Variants in NCBP3 observed in about 807,000 individuals in gnomAD.
NCBP3 encodes nuclear cap binding subunit 3, also known as nuclear cap-binding protein subunit 3.
NCBP3 carries 20 observed loss-of-function variants against 75.7 expected under a neutral mutation model. The observed-to-expected ratio is 0.26, with a 90% confidence interval of 0.19 to 0.38. The LOEUF (loss-of-function observed/expected upper bound fraction) is 0.38. NCBP3 is among the 10% of genes least tolerant of loss of function. The probability of loss-of-function intolerance (pLI) is 1.00; values close to 1 mark genes in which losing one functional copy is unlikely to be tolerated. For synonymous variants in NCBP3, 293 were observed against 290.5 expected (o/e 1.01, Z -0.09); for missense variants, 678 against 796.9 (o/e 0.85, Z 1.80).
chr17:3,838,602 C>A (rs1039767677), intron 3 of NCBP3, among the ~76,000 whole-genome samples: 4 of 152,224 alleles, frequency 2.6e-5, no homozygotes, highest in Non-Finnish European at 5.9e-5. Flanking sequence ...GACGCAATAT[C>A]AGTCGATAGC....
In NCBP3 at chr17:3,811,132, G is replaced by A. The variant is rs1427911338; in HGVS notation, c.*1912C>T. On this transcript the variant is annotated 3_prime_UTR_variant, in exon 13 of 13. Transcript: ENST00000389005. ...GCCCACTGCCGTCACAGCTTGGGAA[G>A]AGTAAACCGCCACTGAGATGCACCA... 5 of 152,266 alleles carry A rather than the reference G, an allele frequency of 3.3e-5. No homozygotes were observed. Among genetic ancestry groups the A allele is most frequent in the African/African-American group, 9.7e-5 (4 of 41,448 alleles). The allele number at this position is 152,266 out of a possible 1,614,324, so 9.4% of individuals were successfully genotyped here.
chr17:3,819,001 T>G (rs2053608290), intron 9 of NCBP3, among the ~76,000 whole-genome samples: 1 of 152,220 alleles, frequency 6.6e-6, no homozygotes, highest in South Asian at 2.1e-4. Flanking sequence ...TTTCATCTCA[T>G]GCTGTAAACA....
At chr17:3,828,256 C>T (rs1253348050) in intron 4 of NCBP3, among the ~76,000 whole-genome samples, 3 of 152,210 alleles carry the variant, frequency 2.0e-5, no homozygotes, top group Non-Finnish European at 2.9e-5. Context: ...TACTGGAAAA[C>T]AGCCAGACTC....
chr17:3,833,772 G>A (rs796934399), intron 3 of NCBP3, among the ~76,000 whole-genome samples: 1 of 151,992 alleles, frequency 6.6e-6, no homozygotes, highest in Non-Finnish European at 1.5e-5. Context: ...ATGTTATGAT[G>A]CTCTTGATAA....
At chr17:3,834,794 A>C (rs921867798) in intron 3 of NCBP3, among the ~76,000 whole-genome samples, 17 of 151,826 alleles carry the variant, frequency 1.1e-4, no homozygotes, top group African/African-American at 4.1e-4. Flanking sequence ...AAATGACAAC[A>C]GTTCCATAAG....
chr17:3,840,184 G>C lies in NCBP3; in HGVS notation c.271C>G (p.Gln91Glu). 1 of 1,551,676 alleles carries C rather than the reference G, an allele frequency of 6.4e-7. No individual in the cohort carries two copies. The highest frequency in any genetic ancestry group is 8.7e-7 in the Non-Finnish European group (1 of 1,146,942). Residue 91 changes from glutamine (Q) to glutamate (E), a missense_variant, in exon 3 of 13, where the codon CAG becomes GAG. By Grantham distance (29) the Gln-to-Glu change is conservative. Coordinates refer to ENST00000389005, the MANE Select transcript of NCBP3 (RefSeq NM_001114118.3). ...TSKEAIEKKE[Q>E]RAKRFHFRSE... ...CGAAAATGGAAGCGCTTGGCTCGCT[G>C]CTCTTTCTTTTCAATTGCTTCCTAG...
rs968702458 is a variant in NCBP3 at position 3,809,643 on chromosome 17, T to C, written c.*3401A>G. 3.3e-5 allele frequency: 5 copies of C among 151,878 alleles called. No individual in the cohort carries two copies. The highest frequency in any genetic ancestry group is 1.2e-4 in the African/African-American group (5 of 41,344). 9.4% of individuals were successfully genotyped at this position (151,878 alleles called of 1,614,324 possible). A position where few individuals can be genotyped will look rare whatever the true frequency, so the allele number is the denominator to read the frequency against. The stretch of plus-strand genomic sequence containing the variant: ...ATCGCTTGAACCCCGGAGGTGGAGG[T>C]TGCAGTGGGCCGAGATCGTGCCATT... On this transcript the variant is annotated 3_prime_UTR_variant, in exon 13 of 13. Coordinates refer to ENST00000389005, the MANE Select transcript of NCBP3 (RefSeq NM_001114118.3).
rs746088124 is a variant in NCBP3, at chr17:3,840,227, A to T, written c.250-22T>A. 1.5e-4 allele frequency: 235 copies of T among 1,541,296 alleles called. 5 individuals are homozygous for T. The Admixed American group carries it at 4.5e-3, about 29-fold the overall frequency. ...CTTCCTAGAAAGTACAGAAAAAGTGAAAGTAGTAAAATATGGAGAAGGCGA... is the reference window on the plus strand; with the variant it reads ...CTTCCTAGAAAGTACAGAAAAAGTGTAAGTAGTAAAATATGGAGAAGGCGA... On this transcript the variant is annotated intron_variant, in intron 2 of 12. Transcript: ENST00000389005.
chr17:3,821,336 AATG>A lies in NCBP3; in HGVS notation c.910_912del (p.His304del). Reference sequence around the variant, plus strand: ...ATCACGTCCCGCTGAATACGACGGGAATGATATCTTCGCTTCCTGCAAGAATGC... The same window carrying A: ...ATCACGTCCCGCTGAATACGACGGGAATATCTTCGCTTCCTGCAAGAATGC... On this transcript the variant is annotated inframe_deletion, in exon 9 of 13. Transcript: ENST00000389005. 1 of 1,613,996 alleles carries A rather than the reference AATG, an allele frequency of 6.2e-7. No individual in the cohort carries two copies. Among genetic ancestry groups the A allele is most frequent in the Non-Finnish European group, 8.5e-7 (1 of 1,179,876 alleles).
intron 11 of NCBP3, among the ~76,000 whole-genome samples, chr17:3,815,020 G>A (rs890331535): frequency 1.3e-5 from 2 of 152,180 alleles, no homozygotes; most frequent in Non-Finnish European, 2.9e-5. Flanking sequence ...CCTGTGCCGA[G>A]GTCTCCTCTC....
At position 3,803,062 on chromosome 17, in the gene NCBP3, C is replaced by T. The variant is rs559563692; in HGVS notation, c.*9982G>A. 1 of 152,402 alleles carries T rather than the reference C, an allele frequency of 6.6e-6. No individual in the cohort carries two copies. Among genetic ancestry groups the T allele is most frequent in the East Asian group, 1.9e-4 (1 of 5,188 alleles). 9.4% of individuals were successfully genotyped at this position (152,402 alleles called of 1,614,324 possible). On this transcript the variant is annotated 3_prime_UTR_variant, in exon 13 of 13. Coordinates refer to ENST00000389005, the MANE Select transcript of NCBP3 (RefSeq NM_001114118.3). ...TTCCCCACAAACCCAAACTACATCC[C>T]CAAGGTCAGGGCCAGGCTCTGTTGA... is the stretch of plus-strand genomic sequence containing the variant.
At chr17:3,817,552 C>T (rs528916516) in intron 10 of NCBP3, among the ~76,000 whole-genome samples, 14 of 152,116 alleles carry the variant, frequency 9.2e-5, no homozygotes, top group African/African-American at 2.9e-4. Flanking sequence ...TGGCGTGAAC[C>T]TGGGAGGCGG....
rs2053298635 is a variant in NCBP3 at position 3,803,462 on chromosome 17, T to C, written c.*9582A>G. 6.6e-6 allele frequency: 1 copy of C among 152,192 alleles called. No homozygotes were observed. The allele number at this position is 152,192 out of a possible 1,614,324, so 9.4% of individuals were successfully genotyped here. On this transcript the variant is annotated 3_prime_UTR_variant, in exon 13 of 13. Transcript: ENST00000389005. The stretch of plus-strand genomic sequence containing the variant: ...GGCTGATCAGAGAATATTACACATT[T>C]CCTGAATTTGAGAACTGTACCATGG...
chr17:3,813,907 C>T (rs1367793253), intron 12 of NCBP3, among the ~76,000 whole-genome samples: 1 of 152,002 alleles, frequency 6.6e-6, no homozygotes, highest in Non-Finnish European at 1.5e-5. Flanking sequence ...CAAGTGATCC[C>T]CCCGTCTCGG....
intron 3 of NCBP3, among the ~76,000 whole-genome samples, chr17:3,839,650 T>C (rs923726197): frequency 4.6e-5 from 7 of 152,256 alleles, no homozygotes; most frequent in African/African-American, 1.2e-4. Context: ...ACCTGGCCAA[T>C]AGATTCAGAT....
At chr17:3,842,404 A>G (rs1015218346) in intron 2 of NCBP3, among the ~76,000 whole-genome samples, 37 of 152,134 alleles carry the variant, frequency 2.4e-4, no homozygotes, top group African/African-American at 8.9e-4. Flanking sequence ...CAGCCTGGGC[A>G]ACGGAGCGAG....
chr17:3,846,098 C>T lies in NCBP3; in HGVS notation c.126G>A (p.Val42=). 1 of 1,549,424 alleles carries T rather than the reference C, an allele frequency of 6.5e-7. No individual in the cohort carries two copies. The highest frequency in any genetic ancestry group is 8.7e-7 in the Non-Finnish European group (1 of 1,146,054). The part of the protein sequence containing the change: ...VDRGEPEPME[V]EEGELEIVPV... ...GCACGATTTCCAGCTCGCCCTCCTC[C>T]ACCTCCATGGGCTCCGGCTCGCCAC... The change falls in exon 1 of 13, where the codon GTG becomes GTA. Residue 42 remains valine, a synonymous_variant. Transcript: ENST00000389005. The surrounding 1 kb of genome is among the most constrained non-coding windows in gnomAD (Gnocchi z 4.6).
chr17:3,831,083 G>T (rs1006981258), intron 3 of NCBP3, among the ~76,000 whole-genome samples: 19 of 150,128 alleles, frequency 1.3e-4, no homozygotes, highest in East Asian at 2.0e-4. Context: ...TGCTAATTTT[G>T]TATTTTTAGT....
chr17:3,840,281 C>T (rs565594072), intron 2 of NCBP3, 76 bp from the exon 3 acceptor site: 1 of 1,147,742 alleles, frequency 8.7e-7, no homozygotes, highest in South Asian at 1.3e-5. Flanking sequence ...CATGATGCAT[C>T]AGTGACAAAC....
Sources: gnomAD v4.1 joint callset for allele counts (sites outside exome capture counted in the v4.1 genomes callset) on GRCh38, gnomAD v4.1.1 for gene constraint, Gnocchi (gnomAD v3.1) non-coding constraint, MANE v1.5 for transcripts, NCBI Gene and HGNC (gene_info 2026-07-23, HGNC 2026-07-21) for gene names.